Variants in PRKCQ observed in about 807,000 individuals in gnomAD.
PRKCQ encodes the protein protein kinase C theta, also known as protein kinase C theta type.
A neutral mutation model predicts 91.2 loss-of-function variants in PRKCQ; 41 were observed. That is an observed-to-expected ratio of 0.45 (90% CI 0.35 to 0.58). The LOEUF (loss-of-function observed/expected upper bound fraction) is 0.58, where lower values mean the gene tolerates loss of function less well. PRKCQ is among the 20% of genes least tolerant of loss of function. The pLI, the probability that PRKCQ is intolerant of heterozygous loss-of-function variation, is 0.00. For synonymous variants in PRKCQ, 307 were observed against 316.9 expected (o/e 0.97, Z 0.33); for missense variants, 673 against 896.5 (o/e 0.75, Z 3.18).
intron 12 of PRKCQ, among the ~76,000 whole-genome samples, chr10:6,476,973 T>C (rs1836299756): frequency 6.6e-6 from 1 of 152,114 alleles, no homozygotes; most frequent in Non-Finnish European, 1.5e-5. Context: ...GTATTTATCA[T>C]CTCCAGGAGG....
In PRKCQ at chr10:6,497,467, T is replaced by A. The variant is rs1837682482; in HGVS notation, c.543-216A>T. ...GATAATTAAATAAATGAGAACTGGC[T>A]GATTTATCATCCTTGTATTTTCCAA... On this transcript the variant is annotated intron_variant, in intron 5 of 17. Transcript: ENST00000263125. This position sits in a 1 kb window ranked among gnomAD's most constrained non-coding sequence, Gnocchi z 4.5. 6.6e-6 allele frequency among the ~76,000 whole-genome samples: 1 copy of A among 152,240 alleles called. No homozygotes were observed.
chr10:6,481,997 T>G (rs961275154), intron 11 of PRKCQ, among the ~76,000 whole-genome samples: 2 of 89,110 alleles, frequency 2.2e-5, no homozygotes, highest in African/African-American at 3.4e-5. Context: ...TCACCTCCCC[T>G]TTTTTTTTTT....
rs770263162 is a variant in PRKCQ, at chr10:6,511,209, G to A, written c.119-15C>T. On this transcript the variant is annotated splice_polypyrimidine_tract_variant and intron_variant, in intron 2 of 17. Transcript: ENST00000263125. ...CTGCCCGTTCTCTAGGAACAGAAAC[G>A]TAAGGTCTCATTATTCCTTCAGCCA... 60 of 1,611,364 alleles carry A rather than the reference G, an allele frequency of 3.7e-5. 1 individual carries two copies. In the South Asian group the frequency reaches 4.2e-4, roughly 11 times the overall value.
intron 1 of PRKCQ, among the ~76,000 whole-genome samples, chr10:6,570,399 C>T (rs553610191): frequency 4.0e-5 from 6 of 151,672 alleles, no homozygotes; most frequent in African/African-American, 7.3e-5. Flanking sequence ...GGGATTTAAG[C>T]GCACTTAATA....
chr10:6,562,634 T>A (rs781710584), intron 1 of PRKCQ, among the ~76,000 whole-genome samples: 1 of 152,194 alleles, frequency 6.6e-6, no homozygotes, highest in Non-Finnish European at 1.5e-5. Flanking sequence ...CAGGTAGTAT[T>A]TTTAAACATA....
chr10:6,571,360 A>G (rs1699538065), intron 1 of PRKCQ, among the ~76,000 whole-genome samples: 1 of 152,196 alleles, frequency 6.6e-6, no homozygotes, highest in African/African-American at 2.4e-5. Context: ...TATATTTGTC[A>G]ATGTCAAGCT....
intron 3 of PRKCQ, among the ~76,000 whole-genome samples, chr10:6,508,919 C>T (rs76842924): frequency 0.024 from 3,723 of 152,096 alleles, 67 homozygotes; most frequent in East Asian, 0.083. Context: ...CTCAATACGG[C>T]GTTGAGAAAC....
chr10:6,411,187 C>T, the PRKCQ span, among the ~76,000 whole-genome samples: 3 of 152,112 alleles, frequency 2.0e-5, no homozygotes, highest in African/African-American at 4.8e-5. Context: ...GATAGTATTT[C>T]GGCTTTCTGT....
At chr10:6,471,373 C>T (rs1835957798) in intron 12 of PRKCQ, among the ~76,000 whole-genome samples, 1 of 152,180 alleles carries the variant, frequency 6.6e-6, no homozygotes, top group South Asian at 2.1e-4. Context: ...GAAGCCTGAG[C>T]GTCTGAATGA....
intron 12 of PRKCQ, among the ~76,000 whole-genome samples, chr10:6,474,902 G>C (rs149899280): frequency 2.6e-5 from 4 of 152,122 alleles, no homozygotes; most frequent in Non-Finnish European, 2.9e-5. Flanking sequence ...ACTGAAGGGG[G>C]TACTGAGAAG....
intron 1 of PRKCQ, among the ~76,000 whole-genome samples, chr10:6,536,155 C>G (rs554664323): frequency 1.3e-5 from 2 of 152,290 alleles, no homozygotes; most frequent in South Asian, 4.1e-4. Flanking sequence ...CCTGTGAGGG[C>G]ATTTGAAGGT....
chr10:6,522,974 TAAAAG>T (rs1839071282), intron 1 of PRKCQ, among the ~76,000 whole-genome samples: 1 of 151,980 alleles, frequency 6.6e-6, no homozygotes, highest in Admixed American at 6.6e-5. Context: ...TGACTGCTGT[TAAAAG>T]AAACATAAAA....
intron 4 of PRKCQ, among the ~76,000 whole-genome samples, chr10:6,504,909 T>G (rs1838104483): frequency 1.3e-5 from 2 of 151,928 alleles, no homozygotes; most frequent in Non-Finnish European, 2.9e-5. Context: ...TTTTTTTTTT[T>G]TTGAGATGGT....
rs114279597 is a variant in PRKCQ, at chr10:6,558,293, C to T, written c.-10+21918G>A. Among the ~76,000 whole-genome samples the T allele has an allele frequency of 6.5e-3, 997 of 152,264 alleles. 9 individuals are homozygous for T. Among genetic ancestry groups the T allele is most frequent in the African/African-American group, 0.023 (942 of 41,562 alleles). ...TCTTAAAATGGATCCTTCTGAATAG[C>T]CTTGAAATTGTTCAAAAGAACTCTA... On this transcript the variant is annotated intron_variant, in intron 1 of 17. Transcript: ENST00000263125.
At chr10:6,553,511 AAAAAAAC>A (rs1341325376) in intron 1 of PRKCQ, among the ~76,000 whole-genome samples, 1 of 146,348 alleles carries the variant, frequency 6.8e-6, no homozygotes, top group Non-Finnish European at 1.5e-5. Context: ...AAAAAAAAAA[AAAAAAAC>A]AAACAAACAA....
intron 4 of PRKCQ, among the ~76,000 whole-genome samples, chr10:6,505,914 G>A (rs1275896377): frequency 1.3e-5 from 2 of 152,082 alleles, no homozygotes; most frequent in Non-Finnish European, 2.9e-5. Flanking sequence ...CCAAAGTACT[G>A]GAATTACAGG....
chr10:6,548,554 T>C (rs1195923517), intron 1 of PRKCQ, among the ~76,000 whole-genome samples: 1 of 147,434 alleles, frequency 6.8e-6, no homozygotes, highest in Non-Finnish European at 1.5e-5. Flanking sequence ...TATGCAGCCA[T>C]AAAAAATGAT....
In PRKCQ at chr10:6,441,967, A is replaced by G; in HGVS notation, c.1762T>C (p.Phe588Leu). Residue 588 changes from phenylalanine (F) to leucine (L), a missense_variant, in exon 16 of 18, where the codon TTC (phenylalanine) becomes CTC (leucine). Physicochemically the swap from Phe to Leu is conservative, Grantham distance 22. Coordinates refer to ENST00000263125, the MANE Select transcript of PRKCQ (RefSeq NM_006257.5). Reference sequence around the variant, plus strand: ...GGATTGTCCATGCGGATGGAGTGGAAGAGCTCCTCCTCATCCTGCCCGTGG... The same window carrying G: ...GGATTGTCCATGCGGATGGAGTGGAGGAGCTCCTCCTCATCCTGCCCGTGG... ...PFHGQDEEELFHSIRMDNPFY... is the reference protein window; with the variant it reads ...PFHGQDEEELLHSIRMDNPFY... 6.2e-7 allele frequency: 1 copy of G among 1,614,142 alleles called. No homozygotes were observed. The highest frequency in any genetic ancestry group is 1.7e-5 in the Admixed American group (1 of 60,010).
chr10:6,399,537 G>A, the PRKCQ span, among the ~76,000 whole-genome samples: 1 of 148,368 alleles, frequency 6.7e-6, no homozygotes, highest in Admixed American at 6.6e-5. Flanking sequence ...GAGACAGGTT[G>A]AATAGCCACC....
Sources: gnomAD v4.1 joint callset for allele counts (sites outside exome capture counted in the v4.1 genomes callset) on GRCh38, gnomAD v4.1.1 for gene constraint, Gnocchi (gnomAD v3.1) non-coding constraint, MANE v1.5 for transcripts, NCBI Gene and HGNC (gene_info 2026-07-23, HGNC 2026-07-21) for gene names.